CHSY3: variants seen among roughly 807,000 people sequenced by gnomAD.
CHSY3 encodes chondroitin sulfate synthase 3, also known as N-acetylgalactosaminyl-proteoglycan 3-beta-glucuronosyltransferase 3.
Under a neutral mutation model 67.2 loss-of-function variants are expected in CHSY3, and 35 were observed. That is an observed-to-expected ratio of 0.52 (90% CI 0.40 to 0.69). The LOEUF (loss-of-function observed/expected upper bound fraction) is 0.69. CHSY3 is among the 30% of genes least tolerant of loss of function. The pLI, the probability that CHSY3 is intolerant of heterozygous loss-of-function variation, is 0.00. For missense variants in CHSY3, 1,069 were observed against 1,138.5 expected (o/e 0.94, Z 0.88); for synonymous variants, 474 against 434.7 (o/e 1.09, Z -1.12).
intron 2 of CHSY3, among the ~76,000 whole-genome samples, chr5:130,129,269 A>C (rs1768402396): frequency 6.6e-6 from 1 of 152,156 alleles, no homozygotes; most frequent in African/African-American, 2.4e-5. Flanking sequence ...GGCCACTCCA[A>C]AATGTGGAAT....
At chr5:130,024,057 T>A (rs1764469062) in intron 2 of CHSY3, among the ~76,000 whole-genome samples, 1 of 149,614 alleles carries the variant, frequency 6.7e-6, no homozygotes, top group South Asian at 2.1e-4. Flanking sequence ...GCAATCAATG[T>A]AGACACTTCT....
At chr5:130,023,794 A>G (rs1455494238) in intron 2 of CHSY3, among the ~76,000 whole-genome samples, 7 of 152,000 alleles carry the variant, frequency 4.6e-5, no homozygotes, top group Admixed American at 3.3e-4. Context: ...TCATGTATTA[A>G]TAAAGTGTAC....
At chr5:130,041,868 T>A (rs1276582751) in intron 2 of CHSY3, among the ~76,000 whole-genome samples, 1 of 152,138 alleles carries the variant, frequency 6.6e-6, no homozygotes, top group Non-Finnish European at 1.5e-5. Flanking sequence ...TATGTCTTTA[T>A]AAATTAGGAA....
intron 2 of CHSY3, among the ~76,000 whole-genome samples, chr5:129,977,687 A>G (rs1762853509): frequency 6.6e-6 from 1 of 152,028 alleles, no homozygotes. Flanking sequence ...GGGAAAATAA[A>G]ACAGTAAAAA....
intron 2 of CHSY3, among the ~76,000 whole-genome samples, chr5:130,178,249 A>ATT (rs1253548592): frequency 3.5e-4 from 24 of 68,528 alleles, no homozygotes; most frequent in African/African-American, 8.8e-4. Flanking sequence ...ATATATATAT[A>ATT]TATATTTTTT....
intron 2 of CHSY3, among the ~76,000 whole-genome samples, chr5:130,182,813 T>C (rs1409858757): frequency 6.6e-6 from 1 of 152,074 alleles, no homozygotes; most frequent in Non-Finnish European, 1.5e-5. Context: ...AAGTCTCTTC[T>C]TCCTACGTTT....
At chr5:129,988,056 T>C (rs1365581019) in intron 2 of CHSY3, among the ~76,000 whole-genome samples, 1 of 152,202 alleles carries the variant, frequency 6.6e-6, no homozygotes, top group East Asian at 1.9e-4. Flanking sequence ...AGAAATGTGA[T>C]AAAATGAATG....
rs912467378 is a variant in CHSY3 at position 130,186,631 on chromosome 5, C to T, written c.*840C>T. 1 of 152,660 alleles carries T rather than the reference C, an allele frequency of 6.6e-6. No individual in the cohort carries two copies. Among genetic ancestry groups the T allele is most frequent in the South Asian group, 2.1e-4 (1 of 4,832 alleles). 9.5% of individuals were successfully genotyped at this position (152,660 alleles called of 1,614,324 possible). On this transcript the variant is annotated 3_prime_UTR_variant, in exon 3 of 3. Transcript: ENST00000305031. ...ATAGCAGTATTCTTTTTCAAAAACA[C>T]TGACAAGGTTTTGTTGTTTCCTTTT...
chr5:130,053,665 T>C (rs1297431393), intron 2 of CHSY3, among the ~76,000 whole-genome samples: 1 of 152,090 alleles, frequency 6.6e-6, no homozygotes. Flanking sequence ...TCTCTATTCT[T>C]TATAGCAGGG....
chr5:129,928,526 GA>G (rs1283530751), intron 2 of CHSY3, among the ~76,000 whole-genome samples: 2 of 151,918 alleles, frequency 1.3e-5, no homozygotes, highest in East Asian at 3.9e-4. Context: ...ACTTGTGGAG[GA>G]AATGGCAGTT....
intron 2 of CHSY3, among the ~76,000 whole-genome samples, chr5:130,087,670 G>C (rs1316618776): frequency 6.6e-6 from 1 of 151,944 alleles, no homozygotes; most frequent in Non-Finnish European, 1.5e-5. Flanking sequence ...GGGACGTGAA[G>C]GACCTCTTCA....
chr5:129,944,936 A>G (rs1761807658), intron 2 of CHSY3, among the ~76,000 whole-genome samples: 1 of 152,256 alleles, frequency 6.6e-6, no homozygotes, highest in African/African-American at 2.4e-5. Flanking sequence ...TGTTTAAAAA[A>G]GGAATGAAAC....
intron 2 of CHSY3, among the ~76,000 whole-genome samples, chr5:130,078,933 C>T (rs1439894430): frequency 2.0e-5 from 3 of 152,144 alleles, no homozygotes; most frequent in African/African-American, 7.2e-5. Flanking sequence ...TCACCCATCC[C>T]TCTGAGCTCA....
chr5:130,061,995 G>C (rs1304518839), intron 2 of CHSY3, among the ~76,000 whole-genome samples: 1 of 151,876 alleles, frequency 6.6e-6, no homozygotes, highest in Non-Finnish European at 1.5e-5. Context: ...ACAATATGAA[G>C]ATTTATCAAA....
intron 2 of CHSY3, among the ~76,000 whole-genome samples, chr5:130,015,887 G>A (rs1764206092): frequency 6.6e-6 from 1 of 152,176 alleles, no homozygotes; most frequent in Non-Finnish European, 1.5e-5. Context: ...ATACTCCACG[G>A]AATACTACAC....
chr5:130,055,705 G>A lies in CHSY3; in HGVS notation c.1087-128524G>A, dbSNP rs544036580. On this transcript the variant is annotated intron_variant, in intron 2 of 2. Coordinates refer to ENST00000305031, the MANE Select transcript of CHSY3 (RefSeq NM_175856.5). ...CAGGAGAACAACAGCAGCAGCAGCT[G>A]CTGCTGCTGCTGCTACCACTGCCAC... is the stretch of plus-strand genomic sequence containing the variant. Among the ~76,000 whole-genome samples the A allele has an allele frequency of 7.2e-5, 11 of 151,978 alleles. No individual in the cohort carries two copies. The East Asian group carries it at 1.7e-3, about 24-fold the overall frequency.
At position 129,908,071 on chromosome 5, in the gene CHSY3, T is replaced by C. The variant is rs1450353190; in HGVS notation, c.803-6T>C. The C allele has an allele frequency of 6.2e-7, 1 of 1,607,696 alleles. No individual in the cohort carries two copies. The highest frequency in any genetic ancestry group is 1.7e-5 in the Admixed American group (1 of 58,982). ...GACATAGTAATTGTTGCCTTTCTTT[T>C]TGTAGGTGATAAATTAGAAGAGTTT... On this transcript the variant is annotated splice_polypyrimidine_tract_variant and splice_region_variant and intron_variant, in intron 1 of 2. Coordinates refer to ENST00000305031, the MANE Select transcript of CHSY3 (RefSeq NM_175856.5).
intron 2 of CHSY3, among the ~76,000 whole-genome samples, chr5:130,121,080 A>T (rs1768006596): frequency 6.6e-6 from 1 of 152,078 alleles, no homozygotes. Context: ...CCTGTGATAG[A>T]CTGTAAATCT....
At chr5:130,120,202 G>A (rs1023575667) in intron 2 of CHSY3, among the ~76,000 whole-genome samples, 4 of 152,184 alleles carry the variant, frequency 2.6e-5, no homozygotes, top group African/African-American at 9.6e-5. Flanking sequence ...CAGCCTTGCT[G>A]CTTGGGGTCC....
Sources: allele counts gnomAD v4.1 joint callset (sites outside exome capture counted in the v4.1 genomes callset), GRCh38; gene constraint gnomAD v4.1.1; transcripts MANE v1.5; gene names NCBI Gene and HGNC (gene_info 2026-07-23, HGNC 2026-07-21).